LRTM3: variants seen among roughly 807,000 people sequenced by gnomAD.
LRTM3 encodes leucine-rich repeat transmembrane protein 3.
At chr13:102,747,501 G>A in the LRTM3 span, 1 of 1,550,456 alleles carries the variant, frequency 6.4e-7, no homozygotes. Flanking sequence ...TTAAAATATG[G>A]TAAAGTAAGC....
the LRTM3 span, chr13:102,731,952 C>A: frequency 6.4e-7 from 1 of 1,551,140 alleles, no homozygotes; most frequent in Non-Finnish European, 8.7e-7. Flanking sequence ...ACATCATGCT[C>A]TGGAACAATC....
At chr13:102,743,662 C>G in the LRTM3 span, 6 of 1,549,950 alleles carry the variant, frequency 3.9e-6, no homozygotes, top group African/African-American at 5.5e-5. Context: ...CTTCCTCTTC[C>G]TCTGTAATAT....
chr13:102,741,502 T>C, the LRTM3 span: 3 of 1,549,392 alleles, frequency 1.9e-6, no homozygotes, highest in Non-Finnish European at 2.6e-6. Context: ...CCAATACATG[T>C]GAACTAATTT....
chr13:102,741,242 CA>C, the LRTM3 span: 1 of 1,550,064 alleles, frequency 6.5e-7, no homozygotes, highest in South Asian at 1.2e-5. Context: ...CTCTTTTCCC[CA>C]AAGATTTTCA....
At chr13:102,742,888 A>G in the LRTM3 span, 1 of 1,550,808 alleles carries the variant, frequency 6.4e-7, no homozygotes, top group Non-Finnish European at 8.7e-7. Context: ...ATATGGCATC[A>G]TCTGTTGCCT....
the LRTM3 span, chr13:102,731,989 T>C: frequency 5.2e-6 from 8 of 1,551,236 alleles, no homozygotes; most frequent in East Asian, 2.4e-5. Flanking sequence ...CCTTTAAGTA[T>C]TTTTTATTCA....
the LRTM3 span, among the ~76,000 whole-genome samples, chr13:102,753,494 T>TAAAAAAAAAAAAAAAAAAAA: frequency 8.0e-6 from 1 of 124,440 alleles, no homozygotes; most frequent in Non-Finnish European, 1.6e-5. Flanking sequence ...AAAGTAAAAT[T>TAAAAAAAAAAAAAAAAAAAA]AAAAAAAAAA....
At chr13:102,743,754 C>T in the LRTM3 span, 3 of 1,550,032 alleles carry the variant, frequency 1.9e-6, no homozygotes, top group Non-Finnish European at 1.7e-6. Flanking sequence ...CTGGTAGACT[C>T]TCTATTGATT....
the LRTM3 span, chr13:102,738,908 A>AT: frequency 1.3e-6 from 2 of 1,550,606 alleles, no homozygotes; most frequent in Non-Finnish European, 1.7e-6. Context: ...GGAATGCATG[A>AT]TTTTTTCCAA....
the LRTM3 span, chr13:102,735,433 T>C: frequency 1.3e-6 from 2 of 1,551,366 alleles, no homozygotes; most frequent in East Asian, 2.4e-5. Flanking sequence ...CCTGTCCTTC[T>C]GTTGTATCAA....
chr13:102,750,300 G>A, the LRTM3 span: 25 of 1,546,050 alleles, frequency 1.6e-5, no homozygotes, highest in South Asian at 1.8e-4. Context: ...AGTATTTCAC[G>A]TGAGAATAAA....
At chr13:102,731,162 T>G in the LRTM3 span, 1 of 1,551,430 alleles carries the variant, frequency 6.4e-7, no homozygotes, top group Non-Finnish European at 8.7e-7. Context: ...ACTCTGTAGC[T>G]TTGTGATTGT....
the LRTM3 span, chr13:102,747,095 T>G: frequency 7.1e-6 from 11 of 1,551,080 alleles, no homozygotes; most frequent in Non-Finnish European, 9.6e-6. Context: ...GCCTTTTACT[T>G]CATCTTGCAA....
chr13:102,737,956 A>T, the LRTM3 span: 1 of 1,550,956 alleles, frequency 6.4e-7, no homozygotes, highest in African/African-American at 1.4e-5. Context: ...TGCCTACTCC[A>T]TCTGCTTTCT....
the LRTM3 span, chr13:102,758,338 A>G: frequency 9.9e-7 from 1 of 1,012,040 alleles, no homozygotes; most frequent in Non-Finnish European, 1.4e-6. Flanking sequence ...TCAGAAGTAA[A>G]GGCAATTTTG....
the LRTM3 span, chr13:102,749,020 T>G: frequency 7.7e-6 from 12 of 1,550,774 alleles, no homozygotes; most frequent in Admixed American, 2.4e-4. Flanking sequence ...CTAGTTGTTT[T>G]CTGGAATAAT....
the LRTM3 span, chr13:102,733,669 T>A: frequency 1.9e-6 from 3 of 1,551,352 alleles, no homozygotes; most frequent in Non-Finnish European, 1.7e-6. Flanking sequence ...TAAAGAGCCA[T>A]TCCGGCCTTT....
At chr13:102,729,654 A>C in the LRTM3 span, 1 of 1,550,530 alleles carries the variant, frequency 6.4e-7, no homozygotes, top group Non-Finnish European at 8.7e-7. Flanking sequence ...GCAAAAAAAA[A>C]GGGCCGGTTT....
chr13:102,758,945 T>C, the LRTM3 span: 6 of 1,416,050 alleles, frequency 4.2e-6, no homozygotes, highest in African/African-American at 4.3e-5. Flanking sequence ...TAATGTCATA[T>C]GTGAAAGAGA....
Sources: gnomAD v4.1 joint callset for allele counts (sites outside exome capture counted in the v4.1 genomes callset) on GRCh38, gnomAD v4.1.1 for gene constraint, MANE v1.5 for transcripts, NCBI Gene and HGNC (gene_info 2026-07-23, HGNC 2026-07-21) for gene names.